Variants in MUC20 observed in about 807,000 individuals in gnomAD.
The protein encoded by MUC20 is mucin 20, cell surface associated, also known as mucin-20.
Under a neutral mutation model 23.8 loss-of-function variants are expected in MUC20, and 14 were observed. The ratio of observed to expected loss-of-function variants is 0.59; its 90% CI spans 0.39 to 0.92. The LOEUF (loss-of-function observed/expected upper bound fraction) is 0.92, where lower values mean the gene tolerates loss of function less well. MUC20 is among the 40% of genes least tolerant of loss of function. The pLI is 0.00. For synonymous variants in MUC20, 166 were observed against 279.3 expected (o/e 0.59, Z 4.04); for missense variants, 375 against 668.8 (o/e 0.56, Z 4.85).
chr3:195,728,376 T>C (rs1377295654), intron 2 of MUC20, among the ~76,000 whole-genome samples: 1 of 152,278 alleles, frequency 6.6e-6, no homozygotes. Context: ...AGCAAAAGAA[T>C]CTGTGTCATA....
At chr3:195,729,601 C>T (rs761264355) in intron 2 of MUC20, 47 bp from the exon 3 acceptor site, 144 of 1,520,858 alleles carry the variant, frequency 9.5e-5, no homozygotes, top group Non-Finnish European at 8.3e-5. Flanking sequence ...CAGGTGTGAG[C>T]CACTGCGCCC....
In MUC20 at chr3:195,726,095, AC is replaced by A. The variant is rs1712610216; in HGVS notation, c.1496del (p.Pro499HisfsTer12). On this transcript the variant is annotated frameshift_variant, in exon 2 of 4. Coordinates refer to ENST00000447234, the MANE Select transcript of MUC20 (RefSeq NM_001282506.2). LOFTEE classifies it high-confidence loss of function. ...ESAAPDATVG[T>X]PLPTNSATER... The stretch of plus-strand genomic sequence containing the variant: ...AGCTGCACCTGATGCCACGGTTGGG[AC>A]CCCACTCCCCACTAACAGCGCCACA... 1 of 1,610,676 alleles carries A rather than the reference AC, an allele frequency of 6.2e-7. No homozygotes were observed. Among genetic ancestry groups the A allele is most frequent in the Non-Finnish European group, 8.5e-7 (1 of 1,177,322 alleles).
At chr3:195,729,347 G>A (rs530250084) in intron 2 of MUC20, 51 of 209,286 alleles carry the variant, frequency 2.4e-4, no homozygotes, top group East Asian at 2.3e-3. Context: ...AGACAGTTTC[G>A]CTCTTGTTGC....
chr3:195,729,436 C>G (rs1455052723), intron 2 of MUC20: 3 of 549,190 alleles, frequency 5.5e-6, no homozygotes, highest in Non-Finnish European at 9.7e-6. Context: ...CCTGCCTCAG[C>G]CTCCTGAGTA....
intron 2 of MUC20, among the ~76,000 whole-genome samples, chr3:195,728,050 C>T (rs972286129): frequency 5.9e-5 from 9 of 152,382 alleles, no homozygotes; most frequent in Admixed American, 2.6e-4. Flanking sequence ...GTGGGTAACA[C>T]GACCCCATCT....
chr3:195,733,049 C>G, intron 3 of MUC20, 101 bp from the exon 4 acceptor site: 1 of 1,311,964 alleles, frequency 7.6e-7, no homozygotes, highest in Non-Finnish European at 1.1e-6. Context: ...GGTTGCCGTC[C>G]TCCGCATGCA....
rs966335925 is a variant in MUC20, at chr3:195,725,779, C to T, written c.1176C>T (p.Pro392=). 1 of 1,537,774 alleles carries T rather than the reference C, an allele frequency of 6.5e-7. No individual in the cohort carries two copies. Among genetic ancestry groups the T allele is most frequent in the Non-Finnish European group, 8.9e-7 (1 of 1,121,990 alleles). Residue 392 remains proline, a synonymous_variant, in exon 2 of 4, where the codon CCC becomes CCT. Transcript: ENST00000447234. ...ASESSASSDG[P]HPVITPSWSP... is the part of the protein sequence containing the mutation. The stretch of plus-strand genomic sequence containing the variant: ...AGAGCAGCGCCTCTTCCGACGGCCC[C>T]CATCCAGTCATCACCCCCTCATGGT...
intron 3 of MUC20, among the ~76,000 whole-genome samples, chr3:195,730,365 A>T (rs1458373640): frequency 6.6e-6 from 1 of 151,932 alleles, no homozygotes; most frequent in African/African-American, 2.4e-5. Flanking sequence ...TTGTTTTTTG[A>T]GACGAAGTCT....
intron 3 of MUC20, 80 bp downstream of exon 3, chr3:195,729,819 CAG>C: frequency 7.5e-7 from 1 of 1,336,722 alleles, no homozygotes; most frequent in East Asian, 2.5e-5. Context: ...CCGCAGGACA[CAG>C]AAGAGCAGCT....
chr3:195,729,560 C>T (rs1713141024), intron 2 of MUC20, 88 bp from the exon 3 acceptor site: 17 of 1,269,272 alleles, frequency 1.3e-5, no homozygotes, highest in Admixed American at 2.0e-5. Flanking sequence ...AGGTGATCCA[C>T]CTGCCTCTGC....
Position 195,726,496 on chromosome 3 carries a change from A to T in MUC20, c.1893A>T (p.Ser631=), listed in dbSNP as rs546246793. ...GCACCTTAGCCAAGATCACAACCTC[A>T]GCGAAGACCACGATGAAGCCCCCAA... is the stretch of plus-strand genomic sequence containing the variant. ...TNSTLAKITT[S]AKTTMKPPTA... is the part of the protein sequence containing the mutation. Residue 631 remains serine (S), a synonymous_variant, in exon 2 of 4, where the codon TCA becomes TCT. Transcript: ENST00000447234. 1.2e-6 allele frequency: 2 copies of T among 1,614,054 alleles called. No homozygotes were observed. The highest frequency in any genetic ancestry group is 1.7e-6 in the Non-Finnish European group (2 of 1,179,882).
At chr3:195,727,420 G>C (rs1398509804) in intron 2 of MUC20, among the ~76,000 whole-genome samples, 1 of 152,274 alleles carries the variant, frequency 6.6e-6, no homozygotes, top group Non-Finnish European at 1.5e-5. Context: ...AGGCTTGGGA[G>C]TTTAAAGCTA....
rs1310340415 is a variant in MUC20 at position 195,733,264 on chromosome 3, T to C, written c.*46T>C. On this transcript the variant is annotated 3_prime_UTR_variant, in exon 4 of 4. Coordinates refer to ENST00000447234, the MANE Select transcript of MUC20 (RefSeq NM_001282506.2). The stretch of plus-strand genomic sequence containing the variant: ...GCATGTCCCGTATGCCAAAAGAGGG[T>C]GCTGCCCCTAGCCTGGGCCCCCACC... 1 of 1,560,432 alleles carries C rather than the reference T, an allele frequency of 6.4e-7. No individual in the cohort carries two copies. Among genetic ancestry groups the C allele is most frequent in the East Asian group, 2.4e-5 (1 of 41,208 alleles).
At chr3:195,732,807 G>A (rs1560189152) in intron 3 of MUC20, among the ~76,000 whole-genome samples, 1 of 152,270 alleles carries the variant, frequency 6.6e-6, no homozygotes, top group African/African-American at 2.4e-5. Context: ...CTCGTCCGGG[G>A]ACAGCCCAAC....
chr3:195,728,894 C>T (rs549238176), intron 2 of MUC20, among the ~76,000 whole-genome samples: 395 of 152,186 alleles, frequency 2.6e-3, no homozygotes, highest in African/African-American at 8.9e-3. Flanking sequence ...TAACAAGGCA[C>T]GTCCTGCACA....
chr3:195,733,054 C>T (rs1388677159), intron 3 of MUC20, 96 bp from the exon 4 acceptor site: 2 of 1,353,360 alleles, frequency 1.5e-6, no homozygotes, highest in African/African-American at 2.9e-5. Context: ...CCGTCCTCCG[C>T]ATGCACTCTG....
At chr3:195,727,511 T>C (rs114617837) in intron 2 of MUC20, among the ~76,000 whole-genome samples, 6,016 of 151,366 alleles carry the variant, frequency 0.04, 63 homozygotes, top group African/African-American at 0.14. Flanking sequence ...CTGGTCAGCC[T>C]GTAGCCTCCA....
Position 195,726,474 on chromosome 3 carries a change from C to T in MUC20, c.1871C>T (p.Thr624Ile), listed in dbSNP as rs201786008. ...TTNSSRGTNS[T>I]LAKITTSAKT... ...AACAGCAGCCGAGGGACGAACAGCA[C>T]CTTAGCCAAGATCACAACCTCAGCG... The change falls in exon 2 of 4, where the codon ACC becomes ATC. Residue 624 changes from threonine (T) to isoleucine (I), a missense_variant. Coordinates refer to ENST00000447234, the MANE Select transcript of MUC20 (RefSeq NM_001282506.2). 8.4e-3 allele frequency: 13,523 copies of T among 1,604,786 alleles called. 173 individuals are homozygous for T. The African/African-American group carries it at 0.16, about 19-fold the overall frequency.
intron 2 of MUC20, among the ~76,000 whole-genome samples, chr3:195,727,664 T>A (rs568167957): frequency 6.6e-6 from 1 of 152,420 alleles, no homozygotes; most frequent in South Asian, 2.1e-4. Flanking sequence ...TTTCATGTTA[T>A]AGGCAGGGGT....
Sources: gnomAD v4.1 joint callset for allele counts (sites outside exome capture counted in the v4.1 genomes callset) on GRCh38, gnomAD v4.1.1 for gene constraint, MANE v1.5 for transcripts, NCBI Gene and HGNC (gene_info 2026-07-23, HGNC 2026-07-21) for gene names.